The following FHOD3 variants were observed in gnomAD, a reference collection of about 807,000 sequenced individuals.
The protein encoded by FHOD3 is FH1/FH2 domain-containing protein 3.
In FHOD3, 90 loss-of-function variants were observed where a neutral mutation model predicts 173.0. That is an observed-to-expected ratio of 0.52 (90% CI 0.44 to 0.62). FHOD3 has a LOEUF of 0.62. Among genes scored for constraint, FHOD3 ranks in the 20% least tolerant of loss-of-function variants. The pLI is 0.00. For missense variants in FHOD3, 1,945 were observed against 2,034.7 expected (o/e 0.96, Z 0.85); for synonymous variants, 828 against 823.0 (o/e 1.01, Z -0.10).
chr18:36,463,383 TA>T (rs57974506), intron 3 of FHOD3, among the ~76,000 whole-genome samples: 5 of 139,512 alleles, frequency 3.6e-5, no homozygotes, highest in African/African-American at 5.4e-5. Context: ...TATTTTTATT[TA>T]AAAAAATAAT....
Position 36,718,211 on chromosome 18 carries a change from G to A in FHOD3, c.2913G>A (p.Gln971=). Residue 971 remains glutamine, a synonymous_variant, in exon 19 of 29, where the codon CAG becomes CAA. Transcript: ENST00000590592. Reference sequence around the variant, plus strand: ...AGGTCCCAGAAACAGCGCCGGTGCAGCCGAAGACAGAGTCTGATTACATCT... The same window carrying A: ...AGGTCCCAGAAACAGCGCCGGTGCAACCGAAGACAGAGTCTGATTACATCT... The part of the protein sequence containing the change: ...NDKVPETAPV[Q]PKTESDYIWD... 1 of 1,614,126 alleles carries A rather than the reference G, an allele frequency of 6.2e-7. No homozygotes were observed. Among genetic ancestry groups the A allele is most frequent in the African/African-American group, 1.3e-5 (1 of 75,042 alleles).
At chr18:36,762,579 T>A (rs2042926905) in intron 27 of FHOD3, among the ~76,000 whole-genome samples, 1 of 152,106 alleles carries the variant, frequency 6.6e-6, no homozygotes, top group Non-Finnish European at 1.5e-5. Context: ...GGTGGATCAC[T>A]TGAGGTCAGG....
intron 3 of FHOD3, among the ~76,000 whole-genome samples, chr18:36,450,513 C>G (rs1352897995): frequency 6.6e-6 from 1 of 151,764 alleles, no homozygotes; most frequent in African/African-American, 2.4e-5. Flanking sequence ...TCCCTGAGGC[C>G]AGGCACGGTG....
At chr18:36,381,932 C>A (rs2047812580) in intron 3 of FHOD3, among the ~76,000 whole-genome samples, 1 of 152,166 alleles carries the variant, frequency 6.6e-6, no homozygotes, top group African/African-American at 2.4e-5. Flanking sequence ...AGTGAGTAGA[C>A]TGTCATTTTC....
chr18:36,729,020 C>A (rs367807754), intron 19 of FHOD3, among the ~76,000 whole-genome samples: 37 of 152,234 alleles, frequency 2.4e-4, no homozygotes, highest in African/African-American at 7.7e-4. Flanking sequence ...GTCTTCTGTC[C>A]CCAGACTAGA....
intron 18 of FHOD3, chr18:36,711,414 T>A (rs1034420969): frequency 6.6e-6 from 1 of 152,278 alleles, no homozygotes; most frequent in Non-Finnish European, 1.5e-5. Flanking sequence ...TAATGTGTTC[T>A]ACTTTAGGGC....
chr18:36,594,917 C>G lies in FHOD3; in HGVS notation c.718+19C>G, dbSNP rs756823265. On this transcript the variant is annotated intron_variant, in intron 7 of 28. Transcript: ENST00000590592. ...AAAAGAGGTGAGTAGTCCCTGCCCC[C>G]TTATGTCATGAAGGTGAAGGTGTCT... The G allele has an allele frequency of 4.4e-5, 68 of 1,535,876 alleles. No individual in the cohort carries two copies. Among genetic ancestry groups the G allele is most frequent in the Non-Finnish European group, 6.1e-5 (68 of 1,112,222 alleles).
intron 6 of FHOD3, among the ~76,000 whole-genome samples, chr18:36,590,328 C>T (rs771851949): frequency 6.6e-6 from 1 of 152,080 alleles, no homozygotes; most frequent in Non-Finnish European, 1.5e-5. Context: ...TGACTGCATT[C>T]CAGATACATG....
At chr18:36,549,578 C>T (rs2057557028) in intron 5 of FHOD3, among the ~76,000 whole-genome samples, 1 of 118,996 alleles carries the variant, frequency 8.4e-6, no homozygotes, top group Non-Finnish European at 1.6e-5. Flanking sequence ...CGCTCTGTTA[C>T]CCAGGCTGGA....
chr18:36,717,629 T>G (rs2040530166), intron 18 of FHOD3, among the ~76,000 whole-genome samples: 1 of 152,108 alleles, frequency 6.6e-6, no homozygotes, highest in Non-Finnish European at 1.5e-5. Flanking sequence ...GGAAGAGTCT[T>G]GGGTCCTGGT....
chr18:36,496,719 G>A (rs958179754), intron 3 of FHOD3, among the ~76,000 whole-genome samples: 10 of 151,994 alleles, frequency 6.6e-5, no homozygotes, highest in Non-Finnish European at 8.8e-5. Context: ...TATTGCTCTC[G>A]TGATATAGGG....
intron 3 of FHOD3, among the ~76,000 whole-genome samples, chr18:36,499,078 G>T (rs1599391699): frequency 5.9e-5 from 1 of 16,910 alleles, no homozygotes; most frequent in African/African-American, 3.9e-4. Context: ...TGCTATTTTT[G>T]TTTTGTTTTG....
intron 16 of FHOD3, among the ~76,000 whole-genome samples, chr18:36,691,471 C>G (rs1017837621): frequency 1.3e-5 from 2 of 152,232 alleles, no homozygotes; most frequent in Non-Finnish European, 1.5e-5. Flanking sequence ...TAACACATAC[C>G]TGCTGGAGGC....
At chr18:36,614,638 T>C (rs1199441594) in intron 9 of FHOD3, among the ~76,000 whole-genome samples, 6 of 152,138 alleles carry the variant, frequency 3.9e-5, no homozygotes, top group Non-Finnish European at 7.4e-5. Flanking sequence ...TTCCAGTTAC[T>C]CCACACCTTT....
chr18:36,548,952 T>A (rs1364679168), intron 5 of FHOD3, among the ~76,000 whole-genome samples: 3 of 152,252 alleles, frequency 2.0e-5, no homozygotes, highest in Non-Finnish European at 4.4e-5. Context: ...AAAATGAAAT[T>A]GTTGAATCAT....
intron 5 of FHOD3, among the ~76,000 whole-genome samples, chr18:36,529,672 C>T (rs529186025): frequency 7.9e-5 from 12 of 151,918 alleles, no homozygotes; most frequent in South Asian, 2.1e-4. Flanking sequence ...TGGTGGTGAG[C>T]GCCTGTAATC....
intron 3 of FHOD3, among the ~76,000 whole-genome samples, chr18:36,476,070 C>T (rs902834415): frequency 1.3e-5 from 2 of 152,076 alleles, no homozygotes; most frequent in Non-Finnish European, 2.9e-5. Flanking sequence ...ATTTATGAAG[C>T]TTGTTCATTT....
chr18:36,640,263 C>G (rs2035210808), intron 10 of FHOD3, among the ~76,000 whole-genome samples: 1 of 152,190 alleles, frequency 6.6e-6, no homozygotes, highest in Admixed American at 6.5e-5. Context: ...TCTTTTCATT[C>G]TCTTGGCTGG....
Position 36,779,620 on chromosome 18 carries a change from A to G in FHOD3, c.*90A>G. Reference sequence around the variant, plus strand: ...CCAGGTGGGGTTGGGGAGACTTGATATTCACATCCAACAGTTTGAAAAGGG... The same window carrying G: ...CCAGGTGGGGTTGGGGAGACTTGATGTTCACATCCAACAGTTTGAAAAGGG... On this transcript the variant is annotated 3_prime_UTR_variant, in exon 29 of 29. Coordinates refer to ENST00000590592, the MANE Select transcript of FHOD3 (RefSeq NM_001281740.3). The G allele has an allele frequency of 1.8e-6, 2 of 1,099,962 alleles. No homozygotes were observed. Among genetic ancestry groups the G allele is most frequent in the Non-Finnish European group, 2.8e-6 (2 of 726,406 alleles). 68.1% of individuals were successfully genotyped at this position (1,099,962 alleles called of 1,614,324 possible).
Sources: allele counts gnomAD v4.1 joint callset (sites outside exome capture counted in the v4.1 genomes callset), GRCh38; gene constraint gnomAD v4.1.1; transcripts MANE v1.5; gene names NCBI Gene and HGNC (gene_info 2026-07-23, HGNC 2026-07-21).